Variants in ASIC2 observed in about 807,000 individuals in gnomAD.
ASIC2 encodes acid sensing ion channel subunit 2.
Under a neutral mutation model 57.3 loss-of-function variants are expected in ASIC2, and 25 were observed. The ratio of observed to expected loss-of-function variants is 0.44; its 90% CI spans 0.32 to 0.61. ASIC2 has a LOEUF of 0.61. Ranked by LOEUF, ASIC2 falls within the 20% of genes least tolerant of loss-of-function variation. The pLI, the probability that ASIC2 is intolerant of heterozygous loss-of-function variation, is 0.06. For missense variants in ASIC2, 641 were observed against 738.1 expected, an observed-to-expected ratio of 0.87 and a Z score of 1.52; for synonymous variants, 319 against 307.5, an observed-to-expected ratio of 1.04 and a Z score of -0.39.
At chr17:33,603,444 G>T (rs976456561) in intron 1 of ASIC2, among the ~76,000 whole-genome samples, 1 of 152,198 alleles carries the variant, frequency 6.6e-6, no homozygotes, top group South Asian at 2.1e-4. Flanking sequence ...GGGAAAAGGT[G>T]CTTTTTGGAT....
chr17:33,401,866 A>G (rs1479680632), intron 1 of ASIC2, among the ~76,000 whole-genome samples: 5 of 152,136 alleles, frequency 3.3e-5, no homozygotes, highest in Middle Eastern at 3.2e-3. Flanking sequence ...CAAAGTAACA[A>G]AAGGAAATTA....
intron 1 of ASIC2, among the ~76,000 whole-genome samples, chr17:33,971,778 T>C (rs1905235358): frequency 6.6e-6 from 1 of 152,220 alleles, no homozygotes; most frequent in Non-Finnish European, 1.5e-5. Flanking sequence ...ACTTGGATCT[T>C]CAGACCCAGA....
intron 1 of ASIC2, among the ~76,000 whole-genome samples, chr17:33,599,566 A>G (rs115729143): frequency 0.039 from 5,887 of 152,290 alleles, 366 homozygotes; most frequent in African/African-American, 0.13. Context: ...GGAGTAGCAC[A>G]TGGGTAGGAA....
At chr17:33,515,823 C>T (rs8078658) in intron 1 of ASIC2, among the ~76,000 whole-genome samples, 7,715 of 152,168 alleles carry the variant, frequency 0.051, 548 homozygotes, top group African/African-American at 0.16. Context: ...AGGCCGGGTG[C>T]GGTGGCTCAC....
At position 33,579,211 on chromosome 17, in the gene ASIC2, G is replaced by A. The variant is rs147077240; in HGVS notation, c.556-467144C>T. 3.4e-4 allele frequency among the ~76,000 whole-genome samples: 51 copies of A among 151,064 alleles called. No homozygotes were observed. The East Asian group carries it at 4.9e-3, about 14-fold the overall frequency. On this transcript the variant is annotated intron_variant, in intron 1 of 9. Transcript: ENST00000359872. Reference sequence around the variant, plus strand: ...TGAGGCAGGAGAATCGCTTGAACCCGGGAGGCAGAGGTTGCAGTGAGCCAA... The same window carrying A: ...TGAGGCAGGAGAATCGCTTGAACCCAGGAGGCAGAGGTTGCAGTGAGCCAA...
chr17:33,211,861 G>A (rs538676789), intron 1 of ASIC2, among the ~76,000 whole-genome samples: 6 of 152,278 alleles, frequency 3.9e-5, no homozygotes, highest in South Asian at 2.1e-4. Flanking sequence ...CAGTGAAGAC[G>A]GGTTCCAGGA....
intron 1 of ASIC2, among the ~76,000 whole-genome samples, chr17:33,197,733 G>T (rs541312227): frequency 6.6e-6 from 1 of 152,292 alleles, no homozygotes; most frequent in South Asian, 2.1e-4. Flanking sequence ...GGACAATTCG[G>T]GAGAGCTGTG....
rs1912192365 is a variant in ASIC2, at chr17:34,138,783, A to G, written c.555+17195T>C. On this transcript the variant is annotated intron_variant, in intron 1 of 9. Coordinates refer to the ASIC2 transcript ENST00000359872. ...TCGCTCTCTCCTTTCACCCACAGTC[A>G]TTCTTTCAGCCATTGTTCGACTCTA... Among the ~76,000 whole-genome samples, 3 of 152,180 alleles carry G rather than the reference A, an allele frequency of 2.0e-5. No homozygotes were observed. In the South Asian group the frequency reaches 6.2e-4, roughly 32 times the overall value.
intron 1 of ASIC2, among the ~76,000 whole-genome samples, chr17:33,306,858 G>T (rs1309356225): frequency 6.6e-6 from 1 of 152,172 alleles, no homozygotes; most frequent in African/African-American, 2.4e-5. Context: ...GTGTGTTACA[G>T]GAAATGTAGG....
intron 1 of ASIC2, among the ~76,000 whole-genome samples, chr17:33,131,060 A>G (rs1342913825): frequency 6.6e-6 from 1 of 152,188 alleles, no homozygotes; most frequent in African/African-American, 2.4e-5. Flanking sequence ...AATTAAATGA[A>G]TGTGGGCACC....
In ASIC2 at chr17:33,060,791, G is replaced by A. The variant is rs536967096; in HGVS notation, c.987+28072C>T. Among the ~76,000 whole-genome samples, 6 of 152,294 alleles carry A rather than the reference G, an allele frequency of 3.9e-5. No homozygotes were observed. The South Asian group carries it at 1.2e-3, about 32-fold the overall frequency. On this transcript the variant is annotated intron_variant, in intron 3 of 9. Coordinates refer to ENST00000225823, the MANE Select transcript of ASIC2 (RefSeq NM_183377.2). ...CACGATATTGATTCTTCCTATCCAT[G>A]AGCATGGAATGTTCTTCCATTTGTT...
intron 1 of ASIC2, among the ~76,000 whole-genome samples, chr17:33,994,611 G>A (rs781602029): frequency 1.3e-5 from 2 of 152,164 alleles, no homozygotes; most frequent in Non-Finnish European, 2.9e-5. Context: ...ACAAGTGACA[G>A]CAACGTGCGA....
At chr17:33,754,400 A>G (rs947000593) in intron 1 of ASIC2, among the ~76,000 whole-genome samples, 1 of 152,042 alleles carries the variant, frequency 6.6e-6, no homozygotes, top group Non-Finnish European at 1.5e-5. Flanking sequence ...AGCTATGGAC[A>G]TACCCTAAGG....
intron 1 of ASIC2, among the ~76,000 whole-genome samples, chr17:33,521,467 G>A (rs1431652027): frequency 2.0e-5 from 3 of 152,050 alleles, no homozygotes; most frequent in Admixed American, 6.5e-5. Flanking sequence ...GTTCTGATGC[G>A]GCCAACGCCC....
At chr17:33,073,031 C>A (rs528175323) in intron 3 of ASIC2, among the ~76,000 whole-genome samples, 2 of 152,268 alleles carry the variant, frequency 1.3e-5, no homozygotes, top group African/African-American at 2.4e-5. Context: ...AATATGAGCA[C>A]GTTTCCTTGG....
At chr17:33,318,314 T>A (rs1444690002) in intron 1 of ASIC2, among the ~76,000 whole-genome samples, 1 of 152,148 alleles carries the variant, frequency 6.6e-6, no homozygotes, top group African/African-American at 2.4e-5. Flanking sequence ...CATTTGCATG[T>A]GAGTTTGGGT....
chr17:33,944,606 G>T (rs569962339), intron 1 of ASIC2, among the ~76,000 whole-genome samples: 2 of 152,224 alleles, frequency 1.3e-5, no homozygotes, highest in Non-Finnish European at 2.9e-5. Flanking sequence ...TTTCAGGAGC[G>T]TGTGATGTGG....
intron 1 of ASIC2, among the ~76,000 whole-genome samples, chr17:33,250,357 T>C (rs1310282731): frequency 3.9e-5 from 6 of 152,194 alleles, no homozygotes; most frequent in Non-Finnish European, 7.4e-5. Context: ...AGCCTGCTCC[T>C]AGTGTGGGGC....
At chr17:34,115,235 G>A (rs1232269971) in intron 1 of ASIC2, among the ~76,000 whole-genome samples, 1 of 152,240 alleles carries the variant, frequency 6.6e-6, no homozygotes, top group Non-Finnish European at 1.5e-5. Context: ...AACAATTAGA[G>A]CATGTAGTAT....
Sources: allele counts gnomAD v4.1 joint callset (sites outside exome capture counted in the v4.1 genomes callset), GRCh38; gene constraint gnomAD v4.1.1; transcripts MANE v1.5; gene names NCBI Gene and HGNC (gene_info 2026-07-23, HGNC 2026-07-21).